Variants in ARHGAP15 observed in about 807,000 individuals in gnomAD.
ARHGAP15 encodes the protein Rho GTPase activating protein 15, also known as rho GTPase-activating protein 15.
Under a neutral mutation model 63.7 loss-of-function variants are expected in ARHGAP15, and 51 were observed. The observed-to-expected ratio is 0.80, with a 90% CI of 0.64 to 1.01. The LOEUF is 1.01. Among genes scored for constraint, ARHGAP15 ranks in the 50% least tolerant of loss-of-function variants. ARHGAP15 has a pLI of 0.00. For missense variants in ARHGAP15, 560 were observed against 564.6 expected, an observed-to-expected ratio of 0.99 and a Z score of 0.08; for synonymous variants, 191 against 193.8, an observed-to-expected ratio of 0.99 and a Z score of 0.12.
chr2:143,558,823 T>C (rs1463950724), intron 11 of ARHGAP15, among the ~76,000 whole-genome samples: 1 of 152,190 alleles, frequency 6.6e-6, no homozygotes, highest in African/African-American at 2.4e-5. Context: ...TTTTTAAATG[T>C]TGATTGCAAT....
intron 8 of ARHGAP15, among the ~76,000 whole-genome samples, chr2:143,446,827 G>A (rs930495002): frequency 1.5e-5 from 2 of 133,118 alleles, no homozygotes; most frequent in Non-Finnish European, 3.0e-5. Flanking sequence ...CCCTTCCTGT[G>A]TCCATGTGTT....
chr2:143,420,908 C>T (rs1222314891), intron 6 of ARHGAP15, among the ~76,000 whole-genome samples: 4 of 152,134 alleles, frequency 2.6e-5, no homozygotes. Flanking sequence ...GTTTAGCTTT[C>T]GCTCCCATCA....
At chr2:143,466,710 T>G (rs563648365) in intron 8 of ARHGAP15, among the ~76,000 whole-genome samples, 2 of 152,224 alleles carry the variant, frequency 1.3e-5, no homozygotes, top group African/African-American at 4.8e-5. Context: ...GGCTCGTCTA[T>G]CCTCACATCA....
chr2:143,365,662 A>G (rs1290776719), intron 6 of ARHGAP15, among the ~76,000 whole-genome samples: 2 of 152,226 alleles, frequency 1.3e-5, no homozygotes, highest in African/African-American at 4.8e-5. Flanking sequence ...GAACTTCCCG[A>G]AATTGAATCT....
At chr2:143,410,696 G>A (rs1688404645) in intron 6 of ARHGAP15, among the ~76,000 whole-genome samples, 1 of 152,094 alleles carries the variant, frequency 6.6e-6, no homozygotes, top group African/African-American at 2.4e-5. Context: ...TAGTGTATAT[G>A]TGTTGCTATG....
chr2:143,363,510 G>A (rs932697267), intron 6 of ARHGAP15, among the ~76,000 whole-genome samples: 1 of 152,072 alleles, frequency 6.6e-6, no homozygotes, highest in African/African-American at 2.4e-5. Flanking sequence ...AAGAAAAAAA[G>A]AATGAAAAAT....
At chr2:143,728,781 C>T (rs1416726988) in intron 13 of ARHGAP15, among the ~76,000 whole-genome samples, 1 of 152,210 alleles carries the variant, frequency 6.6e-6, no homozygotes, top group African/African-American at 2.4e-5. Context: ...AAGTGCCTCC[C>T]TCTCCATTAC....
At chr2:143,455,042 G>A (rs755688373) in intron 8 of ARHGAP15, among the ~76,000 whole-genome samples, 4 of 151,940 alleles carry the variant, frequency 2.6e-5, no homozygotes, top group Non-Finnish European at 5.9e-5. Flanking sequence ...TGGACCTCGC[G>A]CAAGAAAGAA....
At chr2:143,454,078 C>T (rs1367543693) in intron 8 of ARHGAP15, among the ~76,000 whole-genome samples, 1 of 151,968 alleles carries the variant, frequency 6.6e-6, no homozygotes, top group Admixed American at 6.6e-5. Flanking sequence ...CAAATTGGTC[C>T]TTTCAAAGTT....
intron 1 of ARHGAP15, among the ~76,000 whole-genome samples, chr2:143,153,822 T>C (rs1162064649): frequency 4.6e-4 from 37 of 81,148 alleles, no homozygotes; most frequent in South Asian, 2.9e-3. Context: ...CTTCTTCTTC[T>C]TCTTCTTCTT....
chr2:143,301,475 A>G (rs1168151332), intron 6 of ARHGAP15, among the ~76,000 whole-genome samples: 1 of 151,946 alleles, frequency 6.6e-6, no homozygotes, highest in Non-Finnish European at 1.5e-5. Context: ...TATGTGTATA[A>G]AAATTGTCTC....
intron 8 of ARHGAP15, among the ~76,000 whole-genome samples, chr2:143,459,392 T>C (rs891606517): frequency 2.6e-5 from 4 of 152,216 alleles, no homozygotes; most frequent in African/African-American, 9.6e-5. Context: ...CAGTAACATT[T>C]CTAATCACAA....
In ARHGAP15 at chr2:143,767,973, TTCTC is replaced by T. The variant is rs774975814; in HGVS notation, c.1245-9_1245-6del. 3 of 1,601,372 alleles carry T rather than the reference TTCTC, an allele frequency of 1.9e-6. No homozygotes were observed. Among genetic ancestry groups the T allele is most frequent in the East Asian group, 4.5e-5 (2 of 44,758 alleles). ...CAAACTCCAGTGAAATTATTTTTTT[TTCTC>T]TCTCTCCACAGGATAGTGGCCAAAG... On this transcript the variant is annotated splice_polypyrimidine_tract_variant and intron_variant, in intron 13 of 13. Transcript: ENST00000295095.
rs67267617 is a variant in ARHGAP15, at chr2:143,262,535, A to ATTTTTTTTTTTTT, written c.474+11947_474+11959dup. Reference sequence around the variant, plus strand: ...TGTATATGCGGGGTCTGAACCTTTGATTTTTTTTTTTTTTTTTTTTTTTTA... The same window carrying ATTTTTTTTTTTTT: ...TGTATATGCGGGGTCTGAACCTTTGATTTTTTTTTTTTTTTTTTTTTTTTTTTTTTTTTTTTTA... On this transcript the variant is annotated intron_variant, in intron 6 of 13. Coordinates refer to ENST00000295095, the MANE Select transcript of ARHGAP15 (RefSeq NM_018460.4). 1.1e-3 allele frequency among the ~76,000 whole-genome samples: 100 copies of ATTTTTTTTTTTTT among 90,904 alleles called. 4 individuals carry two copies. Among genetic ancestry groups the ATTTTTTTTTTTTT allele is most frequent in the African/African-American group, 4.2e-3 (89 of 21,320 alleles). 59.6% of individuals were successfully genotyped at this position (90,904 alleles called of 152,430 possible). A position where few individuals can be genotyped will look rare whatever the true frequency, so the allele number is the denominator to read the frequency against.
intron 12 of ARHGAP15, among the ~76,000 whole-genome samples, chr2:143,675,815 T>C (rs1475141207): frequency 6.6e-6 from 1 of 152,218 alleles, no homozygotes; most frequent in African/African-American, 2.4e-5. Flanking sequence ...GAGCACTGGC[T>C]TCAACTTAAA....
intron 7 of ARHGAP15, 118 bp from the exon 8 acceptor site, chr2:143,436,795 C>A: frequency 1.0e-6 from 1 of 988,424 alleles, no homozygotes; most frequent in Non-Finnish European, 1.5e-6. Flanking sequence ...GAGGACCTAT[C>A]CTCAAATAAT....
At chr2:143,432,877 G>C (rs1013867583) in intron 6 of ARHGAP15, among the ~76,000 whole-genome samples, 2 of 151,996 alleles carry the variant, frequency 1.3e-5, no homozygotes, top group African/African-American at 4.8e-5. Flanking sequence ...AAGCAAGATG[G>C]AGACCAGCAG....
intron 6 of ARHGAP15, among the ~76,000 whole-genome samples, chr2:143,415,959 T>G (rs527841583): frequency 6.6e-6 from 1 of 152,010 alleles, no homozygotes; most frequent in African/African-American, 2.4e-5. Flanking sequence ...CACAATGGAC[T>G]TTGGGGACTC....
At chr2:143,562,027 T>C (rs1696051124) in intron 11 of ARHGAP15, among the ~76,000 whole-genome samples, 1 of 152,226 alleles carries the variant, frequency 6.6e-6, no homozygotes, top group South Asian at 2.1e-4. Flanking sequence ...TCTACCCAGA[T>C]TTTATTGGCA....
Sources: allele counts gnomAD v4.1 joint callset (sites outside exome capture counted in the v4.1 genomes callset), GRCh38; gene constraint gnomAD v4.1.1; transcripts MANE v1.5; gene names NCBI Gene and HGNC (gene_info 2026-07-23, HGNC 2026-07-21).